Variants in ARHGAP25 observed in about 807,000 individuals in gnomAD.
ARHGAP25 encodes the protein Rho GTPase activating protein 25.
A neutral mutation model predicts 71.0 loss-of-function variants in ARHGAP25; 34 were observed. The observed-to-expected ratio is 0.48, with a 90% CI of 0.36 to 0.64. ARHGAP25 has a LOEUF of 0.64. Among genes scored for constraint, ARHGAP25 ranks in the 30% least tolerant of loss-of-function variants. The pLI is 0.00. For synonymous variants in ARHGAP25, 282 were observed against 296.5 expected (o/e 0.95, Z 0.50); for missense variants, 706 against 805.1 (o/e 0.88, Z 1.49).
In ARHGAP25 at chr2:68,826,103, CCCGGGAGGATGTTGAGAAGAGGAA is replaced by C; in HGVS notation, c.1852_1875del (p.Arg618_Asn625del). The C allele has an allele frequency of 6.2e-7, 1 of 1,614,002 alleles. No homozygotes were observed. Among genetic ancestry groups the C allele is most frequent in the Non-Finnish European group, 8.5e-7 (1 of 1,179,992 alleles). ...ATCAGCCTCCGCAACATGGAGCGCT[CCCGGGAGGATGTTGAGAAGAGGAA>C]CAAGGCCTTGGAAGAAGAAGTCAAG... On this transcript the variant is annotated inframe_deletion, in exon 11 of 11. Transcript: ENST00000409202.
intron 5 of ARHGAP25, among the ~76,000 whole-genome samples, chr2:68,811,129 G>A (rs1680781470): frequency 6.6e-6 from 1 of 152,208 alleles, no homozygotes; most frequent in Non-Finnish European, 1.5e-5. Context: ...GTGTTTTGGT[G>A]TTGAGGACTG....
chr2:68,809,190 T>C (rs1427821949), intron 5 of ARHGAP25, among the ~76,000 whole-genome samples: 1 of 152,266 alleles, frequency 6.6e-6, no homozygotes. Context: ...GAAAACCCTC[T>C]TTTCCCCTTT....
chr2:68,817,077 A>C (rs1681284645), intron 7 of ARHGAP25: 1 of 151,684 alleles, frequency 6.6e-6, no homozygotes, highest in Non-Finnish European at 1.5e-5. Flanking sequence ...ATAATATTTT[A>C]TACTAAATCA....
At chr2:68,781,252 C>T (rs1678313679) in intron 2 of ARHGAP25, among the ~76,000 whole-genome samples, 1 of 151,996 alleles carries the variant, frequency 6.6e-6, no homozygotes, top group Admixed American at 6.6e-5. Flanking sequence ...TAGCCAGACG[C>T]AGTGGTGAGC....
At chr2:68,824,583 A>G (rs1442646126) in intron 10 of ARHGAP25, among the ~76,000 whole-genome samples, 1 of 152,164 alleles carries the variant, frequency 6.6e-6, no homozygotes, top group Non-Finnish European at 1.5e-5. Flanking sequence ...TCTCCTAAAA[A>G]TATAAAACAT....
chr2:68,717,304 A>G (rs537813380), intron 2 of ARHGAP25, among the ~76,000 whole-genome samples: 31 of 152,232 alleles, frequency 2.0e-4, no homozygotes, highest in Non-Finnish European at 3.4e-4. Context: ...TATGTGGCAC[A>G]TGACTGAATA....
At chr2:68,711,162 T>C (rs1674473914) in intron 2 of ARHGAP25, among the ~76,000 whole-genome samples, 1 of 152,212 alleles carries the variant, frequency 6.6e-6, no homozygotes, top group Non-Finnish European at 1.5e-5. Flanking sequence ...CTCCTTTTAT[T>C]TGTAGTGCAT....
At position 68,769,672 on chromosome 2, in the gene ARHGAP25, A is replaced by T. The variant is rs1677356932; in HGVS notation, c.62-5549A>T. Among the ~76,000 whole-genome samples the T allele has an allele frequency of 1.3e-5, 2 of 152,168 alleles. 1 individual carries two copies. Among genetic ancestry groups the T allele is most frequent in the South Asian group, 4.1e-4 (2 of 4,832 alleles). ...ACGATACACAGGTGTCTCCACTGAC[A>T]AGGGTCCAGAGCCAGGGAGCAACTA... On this transcript the variant is annotated intron_variant, in intron 1 of 10. Transcript: ENST00000409202.
At position 68,826,336 on chromosome 2, in the gene ARHGAP25, AAATG is replaced by A. The variant is rs1682133388; in HGVS notation, c.*147_*150del. ...GGAAACATCAAATTTCCCCATAAAT[AAATG>A]AATGGAGTTTGCAGGAAGGTGAGGG... On this transcript the variant is annotated 3_prime_UTR_variant, in exon 11 of 11. Transcript: ENST00000409202. The A allele has an allele frequency of 2.4e-6, 2 of 820,552 alleles. No homozygotes were observed. The highest frequency in any genetic ancestry group is 1.4e-5 in the South Asian group (1 of 69,228). The allele number at this position is 820,552 out of a possible 1,614,324, so 50.8% of individuals were successfully genotyped here.
chr2:68,717,026 G>A (rs1437182653), intron 2 of ARHGAP25, among the ~76,000 whole-genome samples: 1 of 152,134 alleles, frequency 6.6e-6, no homozygotes, highest in East Asian at 1.9e-4. Context: ...AGGTTGTTAG[G>A]TGATTTCAGG....
chr2:68,775,427 G>A lies in ARHGAP25; in HGVS notation c.261+7G>A, dbSNP rs1306576210. On this transcript the variant is annotated splice_region_variant and intron_variant, in intron 2 of 10. Transcript: ENST00000409202. ...AGAGGACACGAAGCCCCAGGTACCA[G>A]CCAGGCTGTTTGTCCCGTTCATAAG... 7 of 1,614,104 alleles carry A rather than the reference G, an allele frequency of 4.3e-6. No individual in the cohort carries two copies. Among genetic ancestry groups the A allele is most frequent in the African/African-American group, 4.0e-5 (3 of 74,954 alleles).
At chr2:68,715,798 G>A (rs1216955778) in intron 2 of ARHGAP25, among the ~76,000 whole-genome samples, 1 of 152,098 alleles carries the variant, frequency 6.6e-6, no homozygotes, top group Non-Finnish European at 1.5e-5. Flanking sequence ...TGAGGCACCC[G>A]AACACAGTTC....
At chr2:68,817,722 G>C in intron 7 of ARHGAP25, 151 bp from the exon 8 acceptor site, 1 of 969,268 alleles carries the variant, frequency 1.0e-6, no homozygotes, top group Non-Finnish European at 1.5e-6. Flanking sequence ...TTCAGGATGA[G>C]GCTAAATTCT....
chr2:68,777,674 A>C (rs1323627000), intron 2 of ARHGAP25, among the ~76,000 whole-genome samples: 1 of 152,218 alleles, frequency 6.6e-6, no homozygotes, highest in Non-Finnish European at 1.5e-5. Context: ...ACAACCCTTC[A>C]ATAGATGGCT....
chr2:68,733,937 A>T (rs1675093735), upstream of ARHGAP25, among the ~76,000 whole-genome samples: 1 of 152,218 alleles, frequency 6.6e-6, no homozygotes, highest in Non-Finnish European at 1.5e-5. Context: ...TAAGAATTGA[A>T]GCACAAAGTG....
intron 1 of ARHGAP25, among the ~76,000 whole-genome samples, chr2:68,765,067 C>T (rs537594898): frequency 8.1e-4 from 124 of 152,258 alleles, no homozygotes; most frequent in Non-Finnish European, 1.5e-3. Flanking sequence ...TGGGCTCCCT[C>T]CGGTTTCTGC....
chr2:68,817,855 T>C lies in ARHGAP25; in HGVS notation c.882-18T>C. On this transcript the variant is annotated intron_variant, in intron 7 of 10. Coordinates refer to ENST00000409202, the MANE Select transcript of ARHGAP25 (RefSeq NM_001007231.3). ...CTACTTCCTGCTTTCTACCATGGGA[T>C]TTCTTGGCTGTCTGTAGGTTCCTAC... The C allele has an allele frequency of 6.2e-7, 1 of 1,613,338 alleles. No homozygotes were observed.
intron 1 of ARHGAP25, among the ~76,000 whole-genome samples, chr2:68,754,023 C>T (rs1296978349): frequency 6.6e-6 from 1 of 151,974 alleles, no homozygotes; most frequent in Non-Finnish European, 1.5e-5. Context: ...CTGCCTCAGC[C>T]TCCCAAGCAG....
intron 4 of ARHGAP25, among the ~76,000 whole-genome samples, chr2:68,794,401 G>A (rs369608510): frequency 2.0e-5 from 3 of 152,256 alleles, no homozygotes; most frequent in African/African-American, 7.2e-5. Context: ...TGTTGGCTGT[G>A]CATTTGTTGC....
Sources: allele counts gnomAD v4.1 joint callset (sites outside exome capture counted in the v4.1 genomes callset), GRCh38; gene constraint gnomAD v4.1.1; transcripts MANE v1.5; gene names NCBI Gene and HGNC (gene_info 2026-07-23, HGNC 2026-07-21).